HPD: variants seen among roughly 807,000 people sequenced by gnomAD.
The protein encoded by HPD is 4-hydroxyphenylpyruvic acid oxidase.
Under a neutral mutation model 56.9 loss-of-function variants are expected in HPD, and 35 were observed. The ratio of observed to expected loss-of-function variants is 0.62; its 90% confidence interval spans 0.47 to 0.82. The LOEUF is 0.82. Among genes scored for constraint, HPD ranks in the 40% least tolerant of loss-of-function variants. The pLI is 0.00. For missense variants in HPD, 442 were observed against 506.8 expected (o/e 0.87, Z 1.23); for synonymous variants, 186 against 200.2 (o/e 0.93, Z 0.60).
chr12:121,863,902 G>A (rs925195249), upstream of HPD, among the ~76,000 whole-genome samples: 73 of 152,156 alleles, frequency 4.8e-4, no homozygotes, highest in African/African-American at 1.7e-3. Context: ...TTCTGGTTAA[G>A]TTGTATAAAA....
chr12:121,870,344 G>A, the HPD span, among the ~76,000 whole-genome samples: 1 of 151,744 alleles, frequency 6.6e-6, no homozygotes, highest in Non-Finnish European at 1.5e-5. Flanking sequence ...TCACAGATTA[G>A]AAGATGGAGG....
intron 8 of HPD, among the ~76,000 whole-genome samples, 153 bp from the exon 9 acceptor site, chr12:121,849,229 T>G: frequency 6.6e-6 from 1 of 151,774 alleles, no homozygotes; most frequent in Non-Finnish European, 1.5e-5. Context: ...AGAGACTCTT[T>G]TTTTTGCCCA....
At chr12:121,846,652 A>G (rs1320804216) in intron 11 of HPD, among the ~76,000 whole-genome samples, 1 of 152,140 alleles carries the variant, frequency 6.6e-6, no homozygotes, top group Admixed American at 6.6e-5. Flanking sequence ...TGCTACCTCC[A>G]AAGCCCAGGG....
chr12:121,868,148 C>T (rs1187025476), upstream of HPD, among the ~76,000 whole-genome samples: 1 of 152,176 alleles, frequency 6.6e-6, no homozygotes, highest in East Asian at 1.9e-4. Context: ...CTTCACTGCA[C>T]TCCAGCCTGG....
the HPD span, among the ~76,000 whole-genome samples, chr12:121,886,690 A>T: frequency 1.3e-5 from 2 of 152,134 alleles, no homozygotes; most frequent in South Asian, 4.1e-4. Context: ...CAATAAAGAT[A>T]AAAGTGATTC....
chr12:121,888,057 T>A, the HPD span, among the ~76,000 whole-genome samples: 15 of 152,206 alleles, frequency 9.9e-5, no homozygotes, highest in Admixed American at 2.6e-4. Context: ...GATGTAATAA[T>A]CTAGCTTCAT....
At chr12:121,884,829 A>C in the HPD span, among the ~76,000 whole-genome samples, 1 of 152,098 alleles carries the variant, frequency 6.6e-6, no homozygotes, top group African/African-American at 2.4e-5. Context: ...TAATTTACAG[A>C]GTCACCAATT....
At chr12:121,867,780 A>AGGG (rs1162762502), upstream of HPD, among the ~76,000 whole-genome samples, 1 of 151,942 alleles carries the variant, frequency 6.6e-6, no homozygotes, top group Non-Finnish European at 1.5e-5. Context: ...TCCCAAAGGG[A>AGGG]GGGACCCCTG....
At chr12:121,856,517 G>A (rs1878003788) in intron 5 of HPD, 66 bp downstream of exon 5, 18 of 1,599,668 alleles carry the variant, frequency 1.1e-5, no homozygotes, top group African/African-American at 2.7e-5. Context: ...GGAGCCATGC[G>A]TCCACCCTCC....
chr12:121,883,228 GT>G, the HPD span, among the ~76,000 whole-genome samples: 1 of 131,356 alleles, frequency 7.6e-6, no homozygotes, highest in East Asian at 2.0e-4. Flanking sequence ...GTGTGTGTGT[GT>G]GTGTGTGGTG....
At chr12:121,871,018 C>A in the HPD span, among the ~76,000 whole-genome samples, 1 of 152,022 alleles carries the variant, frequency 6.6e-6, no homozygotes, top group Admixed American at 6.6e-5. Context: ...TGTGCCATTG[C>A]CCAGTGGCCT....
the HPD span, among the ~76,000 whole-genome samples, chr12:121,881,087 A>G: frequency 6.6e-6 from 1 of 152,136 alleles, no homozygotes; most frequent in African/African-American, 2.4e-5. Context: ...CAACGTGCAC[A>G]ACCCAGTATC....
At chr12:121,877,783 G>A in the HPD span, among the ~76,000 whole-genome samples, 1 of 152,074 alleles carries the variant, frequency 6.6e-6, no homozygotes, top group Admixed American at 6.6e-5. Flanking sequence ...GGGGAAAGCT[G>A]CATCCCACCC....
At chr12:121,862,096 A>C (rs1327639012), upstream of HPD, among the ~76,000 whole-genome samples, 1 of 152,138 alleles carries the variant, frequency 6.6e-6, no homozygotes, top group Non-Finnish European at 1.5e-5. Flanking sequence ...AAACTAAAAA[A>C]ATGGGCAAAA....
At chr12:121,865,980 C>T (rs548259620), upstream of HPD, among the ~76,000 whole-genome samples, 30 of 151,622 alleles carry the variant, frequency 2.0e-4, 1 homozygote, top group South Asian at 6.3e-3. Flanking sequence ...GAGTGAGACT[C>T]TGTTTTTTAA....
the HPD span, among the ~76,000 whole-genome samples, chr12:121,869,533 G>A: frequency 2.7e-5 from 4 of 149,152 alleles, no homozygotes; most frequent in African/African-American, 9.9e-5. Context: ...GAATATATTT[G>A]GAAGTATTTT....
chr12:121,878,019 C>T, the HPD span, among the ~76,000 whole-genome samples: 2 of 152,126 alleles, frequency 1.3e-5, no homozygotes, highest in African/African-American at 4.8e-5. Context: ...CCGGGCTCTG[C>T]GGGGAGGGAG....
chr12:121,858,041 C>T, intron 2 of HPD, among the ~76,000 whole-genome samples: 1 of 135,770 alleles, frequency 7.4e-6, no homozygotes, highest in South Asian at 2.4e-4. Context: ...GGAGGCCTGC[C>T]AAGGTTTCAC....
the HPD span, among the ~76,000 whole-genome samples, chr12:121,881,328 C>T: frequency 1.3e-5 from 2 of 152,192 alleles, no homozygotes; most frequent in Non-Finnish European, 2.9e-5. Context: ...TCTTCCCTCC[C>T]TGCCCTTCTC....
Sources: gnomAD v4.1 joint callset for allele counts (sites outside exome capture counted in the v4.1 genomes callset) on GRCh38, gnomAD v4.1.1 for gene constraint, MANE v1.5 for transcripts, NCBI Gene and HGNC (gene_info 2026-07-23, HGNC 2026-07-21) for gene names.